DLG2: variants seen among roughly 807,000 people sequenced by gnomAD.
DLG2 encodes the protein discs large MAGUK scaffold protein 2.
DLG2 carries 45 observed loss-of-function variants against 132.5 expected under a neutral mutation model. The observed-to-expected ratio is 0.34, with a 90% CI of 0.27 to 0.44. The LOEUF is 0.44. Ranked by LOEUF, DLG2 falls within the 20% of genes least tolerant of loss-of-function variation. DLG2 has a pLI of 1.00. For synonymous variants in DLG2, 424 were observed against 419.6 expected (o/e 1.01, Z -0.13); for missense variants, 1,045 against 1,196.9 (o/e 0.87, Z 1.87).
chr11:85,453,173 A>G, intron 3 of DLG2: 1 of 312,664 alleles, frequency 3.2e-6, no homozygotes, highest in South Asian at 7.0e-5. Flanking sequence ...TTCTGATAGC[A>G]TCATTTGGGT....
In DLG2 at chr11:84,059,304, A is replaced by G. The variant is rs768861664; in HGVS notation, c.919+11T>C. On this transcript the variant is annotated intron_variant, in intron 11 of 27. Coordinates refer to ENST00000376104, the MANE Select transcript of DLG2 (RefSeq NM_001142699.3). ...TCACTAGTGTCTGTGAGTCATTTAT[A>G]TTTTGATTACCTTTAGGGCCTTTGA... 22 of 1,611,550 alleles carry G rather than the reference A, an allele frequency of 1.4e-5. No homozygotes were observed. Among genetic ancestry groups the G allele is most frequent in the Non-Finnish European group, 1.7e-5 (20 of 1,179,014 alleles).
At chr11:83,547,903 A>G (rs1277751362) in intron 19 of DLG2, among the ~76,000 whole-genome samples, 2 of 152,182 alleles carry the variant, frequency 1.3e-5, no homozygotes, top group African/African-American at 2.4e-5. Context: ...GACAGAGGCT[A>G]GAAGAATGTT....
At chr11:84,694,253 T>C (rs2153730175) in intron 6 of DLG2, among the ~76,000 whole-genome samples, 1 of 151,702 alleles carries the variant, frequency 6.6e-6, no homozygotes, top group South Asian at 2.1e-4. Flanking sequence ...AAGAGAGCTG[T>C]GGTTATGTTA....
intron 12 of DLG2, among the ~76,000 whole-genome samples, chr11:83,975,004 G>T (rs1390082331): frequency 6.6e-6 from 1 of 152,022 alleles, no homozygotes; most frequent in Non-Finnish European, 1.5e-5. Context: ...AAGAGGCTAA[G>T]ATTTTAAACC....
chr11:83,768,721 T>C (rs1192187502), intron 18 of DLG2, among the ~76,000 whole-genome samples: 4 of 152,192 alleles, frequency 2.6e-5, no homozygotes. Context: ...ATAAGTTTAA[T>C]GAGGCTGTGA....
At chr11:84,572,694 C>T (rs1006359757) in intron 6 of DLG2, among the ~76,000 whole-genome samples, 2 of 152,010 alleles carry the variant, frequency 1.3e-5, no homozygotes, top group East Asian at 1.9e-4. Context: ...TTGCCTGAGC[C>T]GTTTCTCAAG....
intron 15 of DLG2, among the ~76,000 whole-genome samples, chr11:83,894,942 T>C (rs1249380472): frequency 6.6e-6 from 1 of 150,968 alleles, no homozygotes; most frequent in East Asian, 1.9e-4. Flanking sequence ...TACCTACAGT[T>C]CCATCCATGT....
chr11:83,997,902 C>T (rs1008343865), intron 11 of DLG2, among the ~76,000 whole-genome samples: 1 of 151,472 alleles, frequency 6.6e-6, no homozygotes, highest in South Asian at 2.1e-4. Context: ...GAGGCCATGG[C>T]GGGTGGATCA....
At chr11:85,047,102 T>C (rs1398396619) in intron 6 of DLG2, among the ~76,000 whole-genome samples, 3 of 151,970 alleles carry the variant, frequency 2.0e-5, no homozygotes, top group African/African-American at 7.2e-5. Flanking sequence ...TTCTTTCTTC[T>C]TCTACACAAT....
At chr11:84,908,190 C>T (rs961546281) in intron 6 of DLG2, among the ~76,000 whole-genome samples, 18 of 151,722 alleles carry the variant, frequency 1.2e-4, no homozygotes, top group Admixed American at 2.0e-4. Context: ...TTCTAGTAGC[C>T]ACATTGAAAA....
At chr11:85,492,534 T>C (rs777898280) in intron 3 of DLG2, among the ~76,000 whole-genome samples, 1 of 152,202 alleles carries the variant, frequency 6.6e-6, no homozygotes, top group South Asian at 2.1e-4. Flanking sequence ...TTAACATTAA[T>C]ATTCCATTTA....
intron 6 of DLG2, among the ~76,000 whole-genome samples, chr11:84,841,774 A>T (rs528622230): frequency 6.6e-6 from 1 of 152,088 alleles, no homozygotes; most frequent in South Asian, 2.1e-4. Flanking sequence ...TTCACTTCAC[A>T]CTATAGCATA....
At chr11:84,464,408 G>C (rs1006120474) in intron 7 of DLG2, among the ~76,000 whole-genome samples, 2 of 151,136 alleles carry the variant, frequency 1.3e-5, no homozygotes, top group African/African-American at 4.8e-5. Context: ...ACTAACCCTA[G>C]CTTTGTAAGA....
intron 7 of DLG2, among the ~76,000 whole-genome samples, chr11:84,295,549 C>A (rs768617503): frequency 6.6e-6 from 1 of 152,134 alleles, no homozygotes; most frequent in African/African-American, 2.4e-5. Flanking sequence ...AGGAATCAAT[C>A]GGAGCTGACA....
chr11:85,292,586 T>A (rs994753350), intron 3 of DLG2, among the ~76,000 whole-genome samples: 2 of 146,622 alleles, frequency 1.4e-5, no homozygotes, highest in Admixed American at 7.0e-5. Context: ...ATTGTTCTGA[T>A]ATGATTGGGC....
At position 85,491,338 on chromosome 11, in the gene DLG2, A is replaced by T. The variant is rs189907291; in HGVS notation, c.40+107319T>A. Among the ~76,000 whole-genome samples the T allele has an allele frequency of 4.0e-3, 614 of 152,260 alleles. 1 individual carries two copies. Among genetic ancestry groups the T allele is most frequent in the Non-Finnish European group, 6.8e-3 (459 of 67,988 alleles). On this transcript the variant is annotated intron_variant, in intron 3 of 27. Coordinates refer to ENST00000376104, the MANE Select transcript of DLG2 (RefSeq NM_001142699.3). ...TACTGAATAGGAAAAAGATGAAAGC[A>T]TTTCCTCTAAGAACTGGAACAAGAC...
At chr11:83,831,879 A>G (rs192508015) in intron 17 of DLG2, among the ~76,000 whole-genome samples, 1 of 152,140 alleles carries the variant, frequency 6.6e-6, no homozygotes, top group African/African-American at 2.4e-5. Context: ...ACAGCCAATA[A>G]ATATTTGAAT....
chr11:85,335,241 C>CTTTT (rs34680409), intron 3 of DLG2, among the ~76,000 whole-genome samples: 1 of 148,268 alleles, frequency 6.7e-6, no homozygotes, highest in Non-Finnish European at 1.5e-5. Flanking sequence ...AGCATCTCTG[C>CTTTT]TTTTTTTTTT....
intron 9 of DLG2, among the ~76,000 whole-genome samples, chr11:84,116,285 T>C (rs140376985): frequency 6.6e-6 from 1 of 152,370 alleles, no homozygotes; most frequent in East Asian, 1.9e-4. Flanking sequence ...CGATACTGTT[T>C]AGCACATAAA....
Sources: gnomAD v4.1 joint callset for allele counts (sites outside exome capture counted in the v4.1 genomes callset) on GRCh38, gnomAD v4.1.1 for gene constraint, MANE v1.5 for transcripts, NCBI Gene and HGNC (gene_info 2026-07-23, HGNC 2026-07-21) for gene names.